EMX2: variants seen among roughly 807,000 people sequenced by gnomAD.
EMX2 encodes the protein empty spiracles homeobox 2.
Under a neutral mutation model 23.0 loss-of-function variants are expected in EMX2, and 6 were observed. The ratio of observed to expected loss-of-function variants is 0.26; its 90% confidence interval spans 0.14 to 0.52. EMX2 has a LOEUF of 0.52. Among genes scored for constraint, EMX2 ranks in the 20% least tolerant of loss-of-function variants. EMX2 has a pLI of 0.97. For missense variants in EMX2, 302 were observed against 341.4 expected (o/e 0.88, Z 0.91); for synonymous variants, 175 against 153.3 (o/e 1.14, Z -1.04).
Position 117,548,153 on chromosome 10 carries a change from G to A in EMX2, c.680G>A (p.Gly227Glu), listed in dbSNP as rs1409486370. ...EGSDSQQKKK[G>E]THHINRWRIA... The stretch of plus-strand genomic sequence containing the variant: ...TCAGATTCGCAACAAAAGAAAAAAG[G>A]GACGCACCATATTAACCGGTGGAGA... Residue 227 changes from glycine (G) to glutamate (E), a missense_variant, in exon 3 of 3, where the codon GGG becomes GAG. By Grantham distance (98) the Gly-to-Glu change is moderately conservative. Transcript: ENST00000553456. 1 of 1,613,998 alleles carries A rather than the reference G, an allele frequency of 6.2e-7. No individual in the cohort carries two copies. The highest frequency in any genetic ancestry group is 1.7e-5 in the Admixed American group (1 of 60,016).
Position 117,543,318 on chromosome 10 carries a change from C to T in EMX2, c.51C>T (p.Ala17=), listed in dbSNP as rs755111431. ...GCTTCACCATCGAGTCGCTGGTGGCCAAGGACAGTCCCCTGCCCGCCTCGC... is the reference window on the plus strand; with the variant it reads ...GCTTCACCATCGAGTCGCTGGTGGCTAAGGACAGTCCCCTGCCCGCCTCGC... ...KRCFTIESLV[A]KDSPLPASRS... The change falls in exon 1 of 3, where the codon GCC becomes GCT. Residue 17 remains alanine (A), a synonymous_variant. Transcript: ENST00000553456. 3 of 1,552,280 alleles carry T rather than the reference C, an allele frequency of 1.9e-6. No homozygotes were observed. Among genetic ancestry groups the T allele is most frequent in the South Asian group, 2.4e-5 (2 of 84,238 alleles).
chr10:117,543,459 C>T lies in EMX2; in HGVS notation c.192C>T (p.Tyr64=). 6.2e-7 allele frequency: 1 copy of T among 1,609,444 alleles called. No homozygotes were observed. Among genetic ancestry groups the T allele is most frequent in the Admixed American group, 1.7e-5 (1 of 59,818 alleles). ...AAAAAAGRGV[Y]SNPDLVFAEA... ...CCGCCGCCGCCGGTAGGGGCGTCTACTCCAACCCGGACTTGGTGTTCGCCG... is the reference window on the plus strand; with the variant it reads ...CCGCCGCCGCCGGTAGGGGCGTCTATTCCAACCCGGACTTGGTGTTCGCCG... The change falls in exon 1 of 3, where the codon TAC becomes TAT. Residue 64 remains tyrosine (Y), a synonymous_variant. Coordinates refer to ENST00000553456, the MANE Select transcript of EMX2 (RefSeq NM_004098.4).
chr10:117,548,414 C>A lies in EMX2; in HGVS notation c.*182C>A. On this transcript the variant is annotated 3_prime_UTR_variant, in exon 3 of 3. Transcript: ENST00000553456. ...CTCTGGACAGCGAGGGCACAGGGTC[C>A]CAAACCGAGGCCGCGCCAAGATGGC... 1 of 981,780 alleles carries A rather than the reference C, an allele frequency of 1.0e-6. No individual in the cohort carries two copies. Among genetic ancestry groups the A allele is most frequent in the Non-Finnish European group, 1.5e-6 (1 of 683,936 alleles). 60.8% of individuals were successfully genotyped at this position (981,780 alleles called of 1,614,324 possible).
At position 117,548,327 on chromosome 10, in the gene EMX2, C is replaced by T; in HGVS notation, c.*95C>T. 2 of 1,499,770 alleles carry T rather than the reference C, an allele frequency of 1.3e-6. No individual in the cohort carries two copies. The highest frequency in any genetic ancestry group is 2.4e-5 in the South Asian group (2 of 82,604). The allele number at this position is 1,499,770 out of a possible 1,614,324, so 92.9% of individuals were successfully genotyped here. On this transcript the variant is annotated 3_prime_UTR_variant, in exon 3 of 3. Transcript: ENST00000553456. ...AAAACCCTACAAAACAAAAACAAAC[C>T]GCATACACGTTCACCGAGAAAGGGA...
At position 117,543,190 on chromosome 10, in the gene EMX2, G is replaced by T; in HGVS notation, c.-78G>T. The T allele has an allele frequency of 1.0e-6, 1 of 970,040 alleles. No homozygotes were observed. 60.1% of individuals were successfully genotyped at this position (970,040 alleles called of 1,614,324 possible). On this transcript the variant is annotated 5_prime_UTR_variant, in exon 1 of 3. Coordinates refer to ENST00000553456, the MANE Select transcript of EMX2 (RefSeq NM_004098.4). Reference sequence around the variant, plus strand: ...TCCCCAATTCTCGTCCGTCCTCGCCGCGGGCAGCGGGCGGCGGAGGCAGCG... The same window carrying T: ...TCCCCAATTCTCGTCCGTCCTCGCCTCGGGCAGCGGGCGGCGGAGGCAGCG...
At position 117,543,258 on chromosome 10, in the gene EMX2, T is replaced by C; in HGVS notation, c.-10T>C. The C allele has an allele frequency of 6.7e-7, 1 of 1,493,434 alleles. No homozygotes were observed. Among genetic ancestry groups the C allele is most frequent in the Non-Finnish European group, 9.0e-7 (1 of 1,112,966 alleles). The allele number at this position is 1,493,434 out of a possible 1,614,324, so 92.5% of individuals were successfully genotyped here. The stretch of plus-strand genomic sequence containing the variant: ...GCTGGGAGCCCAGGGCGCCCGCTCC[T>C]CGGCGCAGCATGTTCCAGCCGGCGC... On this transcript the variant is annotated 5_prime_UTR_variant, in exon 1 of 3. Coordinates refer to ENST00000553456, the MANE Select transcript of EMX2 (RefSeq NM_004098.4).
intron 1 of EMX2, chr10:117,545,262 T>C (rs1463966576): frequency 1.4e-5 from 3 of 212,510 alleles, no homozygotes; most frequent in African/African-American, 6.9e-5. Flanking sequence ...TTTCTTCGGG[T>C]TGTGGGCGCC....
chr10:117,542,978 C>G lies in EMX2; in HGVS notation c.-290C>G. 2.9e-6 allele frequency: 1 copy of G among 342,014 alleles called. No individual in the cohort carries two copies. Among genetic ancestry groups the G allele is most frequent in the East Asian group, 4.6e-5 (1 of 21,638 alleles). 21.2% of individuals were successfully genotyped at this position (342,014 alleles called of 1,614,324 possible). A position where few individuals can be genotyped will look rare whatever the true frequency, so the allele number is the denominator to read the frequency against. On this transcript the variant is annotated 5_prime_UTR_variant, in exon 1 of 3. Coordinates refer to ENST00000553456, the MANE Select transcript of EMX2 (RefSeq NM_004098.4). The stretch of plus-strand genomic sequence containing the variant: ...AAAAAGAAAAAAAATTACCCCAATC[C>G]ACGCCTGCAAATTCTTCTGGAAGGA...
Position 117,543,574 on chromosome 10 carries a change from C to A in EMX2, c.307C>A (p.His103Asn). The change falls in exon 1 of 3, where the codon CAC becomes AAC. Residue 103 changes from histidine to asparagine, a missense_variant. By Grantham distance (68) the His-to-Asn change is moderately conservative. Transcript: ENST00000553456. ...ALAAHPLPSS[H>N]SPHPLFASQQ... ...GGCCGCCCACCCCCTACCCTCCTCGCACTCGCCACACCCCCTATTCGCCTC... is the reference window on the plus strand; with the variant it reads ...GGCCGCCCACCCCCTACCCTCCTCGAACTCGCCACACCCCCTATTCGCCTC... The A allele has an allele frequency of 3.1e-6, 5 of 1,613,196 alleles. No individual in the cohort carries two copies. Among genetic ancestry groups the A allele is most frequent in the Non-Finnish European group, 4.2e-6 (5 of 1,179,690 alleles).
At chr10:117,543,785 C>T (rs1186002608) in intron 1 of EMX2, 112 bp downstream of exon 1, 5 of 1,516,734 alleles carry the variant, frequency 3.3e-6, no homozygotes, top group South Asian at 1.1e-5. Context: ...TCCTCCGGCT[C>T]GCGGGCCAGC....
chr10:117,545,521 C>T (rs557128673), intron 1 of EMX2, 111 bp from the exon 2 acceptor site: 12 of 1,332,396 alleles, frequency 9.0e-6, no homozygotes, highest in Non-Finnish European at 1.1e-5. Context: ...TCGAGCGGCG[C>T]GGCTATGCGA....
intron 1 of EMX2, among the ~76,000 whole-genome samples, chr10:117,544,127 C>A (rs1589648423): frequency 6.6e-6 from 1 of 152,248 alleles, no homozygotes; most frequent in Admixed American, 6.5e-5. Context: ...CACTTTGCGC[C>A]CCTTCAGTCC....
At position 117,548,830 on chromosome 10, in the gene EMX2, A is replaced by G; in HGVS notation, c.*598A>G. ...ATCCCACACCTGTTTCAAATCCTTG[A>G]AATGCATGTAGCAGTTGTTGGGCGA... On this transcript the variant is annotated 3_prime_UTR_variant, in exon 3 of 3. Transcript: ENST00000553456. The G allele has an allele frequency of 2.5e-6, 1 of 399,924 alleles. No individual in the cohort carries two copies. Among genetic ancestry groups the G allele is most frequent in the Non-Finnish European group, 4.4e-6 (1 of 227,246 alleles). 24.8% of individuals were successfully genotyped at this position (399,924 alleles called of 1,614,324 possible). A position where few individuals can be genotyped will look rare whatever the true frequency, so the allele number is the denominator to read the frequency against.
At position 117,542,975 on chromosome 10, in the gene EMX2, A is replaced by T; in HGVS notation, c.-293A>T. The T allele has an allele frequency of 2.9e-6, 1 of 348,298 alleles. No individual in the cohort carries two copies. Among genetic ancestry groups the T allele is most frequent in the Middle Eastern group, 7.5e-4 (1 of 1,326 alleles). 21.6% of individuals were successfully genotyped at this position (348,298 alleles called of 1,614,324 possible). On this transcript the variant is annotated 5_prime_UTR_variant, in exon 1 of 3. Coordinates refer to ENST00000553456, the MANE Select transcript of EMX2 (RefSeq NM_004098.4). ...AAAAAAAAGAAAAAAAATTACCCCA[A>T]TCCACGCCTGCAAATTCTTCTGGAA... is the stretch of plus-strand genomic sequence containing the variant.
At position 117,545,601 on chromosome 10, in the gene EMX2, C is replaced by A. The variant is rs8192641; in HGVS notation, c.407-31C>A. 327 of 1,613,404 alleles carry A rather than the reference C, an allele frequency of 2.0e-4. 2 individuals carry two copies. The Admixed American group carries it at 3.6e-3, about 18-fold the overall frequency. On this transcript the variant is annotated intron_variant, in intron 1 of 2. Transcript: ENST00000553456. Reference sequence around the variant, plus strand: ...CGCGGCTCCGGTCAGAGCAGCCCCCCCTAATGGGATTTCTGCTGTGCTCCC... The same window carrying A: ...CGCGGCTCCGGTCAGAGCAGCCCCCACTAATGGGATTTCTGCTGTGCTCCC...
chr10:117,545,367 G>A, intron 1 of EMX2: 1 of 383,186 alleles, frequency 2.6e-6, no homozygotes, highest in East Asian at 4.7e-5. Flanking sequence ...TGCGGAGCCG[G>A]CCGAGGTCAG....
intron 2 of EMX2, among the ~76,000 whole-genome samples, 196 bp downstream of exon 2, chr10:117,546,012 C>T (rs770632892): frequency 1.3e-5 from 2 of 152,208 alleles, no homozygotes; most frequent in Non-Finnish European, 2.9e-5. Flanking sequence ...GCTGTAAGTG[C>T]CAATCTGCCC....
At chr10:117,546,730 G>C (rs956960403) in intron 2 of EMX2, among the ~76,000 whole-genome samples, 1 of 152,258 alleles carries the variant, frequency 6.6e-6, no homozygotes, top group Non-Finnish European at 1.5e-5. Context: ...TGGAGTCTTT[G>C]TGTGCGTGTC....
chr10:117,544,645 T>C (rs1846549173), intron 1 of EMX2: 1 of 151,978 alleles, frequency 6.6e-6, no homozygotes, highest in African/African-American at 2.4e-5. Context: ...TAGAATCGGG[T>C]AGATGTCACC....
Sources: allele counts gnomAD v4.1 joint callset (sites outside exome capture counted in the v4.1 genomes callset), GRCh38; gene constraint gnomAD v4.1.1; transcripts MANE v1.5; gene names NCBI Gene and HGNC (gene_info 2026-07-23, HGNC 2026-07-21).